The following AARSD1 variants were observed in gnomAD, a reference collection of about 807,000 sequenced individuals.
AARSD1 encodes the protein alanyl-tRNA synthetase domain containing 1, also known as alanyl-tRNA editing protein Aarsd1.
AARSD1 carries 44 observed loss-of-function variants against 48.7 expected under a neutral mutation model. The ratio of observed to expected loss-of-function variants is 0.90; its 90% CI spans 0.71 to 1.16. The LOEUF is 1.16. Ranked by LOEUF, AARSD1 falls within the 50% of genes most tolerant of loss-of-function variation. The pLI is 0.00. For synonymous variants in AARSD1, 189 were observed against 194.9 expected (o/e 0.97, Z 0.25); for missense variants, 511 against 523.1 (o/e 0.98, Z 0.23).
At chr17:42,957,303 GA>G in intron 3 of AARSD1, 108 bp from the exon 4 acceptor site, 1 of 1,428,066 alleles carries the variant, frequency 7.0e-7, no homozygotes, top group Non-Finnish European at 9.6e-7. Flanking sequence ...CCTTGTTGAA[GA>G]CCTGCTAAGC....
chr17:42,952,956 G>A (rs969743061), intron 10 of AARSD1, among the ~76,000 whole-genome samples: 16 of 151,810 alleles, frequency 1.1e-4, no homozygotes, highest in African/African-American at 2.9e-4. Context: ...TGGGTCTACA[G>A]GCACCTGCCA....
At chr17:42,956,063 T>A in intron 6 of AARSD1, 91 bp from the exon 7 acceptor site, 2 of 1,609,762 alleles carry the variant, frequency 1.2e-6, no homozygotes, top group African/African-American at 2.7e-5. Context: ...GAGAAACCTA[T>A]CTGTTCCTCA....
At chr17:42,957,389 C>A in intron 3 of AARSD1, 194 bp from the exon 4 acceptor site, 1 of 534,746 alleles carries the variant, frequency 1.9e-6, no homozygotes, top group South Asian at 2.9e-5. Context: ...GATACCATTT[C>A]ACAGATGAGG....
chr17:42,956,187 A>G lies in AARSD1; in HGVS notation c.663+17T>C. On this transcript the variant is annotated intron_variant, in intron 6 of 11. Coordinates refer to ENST00000427569, the MANE Select transcript of AARSD1 (RefSeq NM_001261434.2). ...CAATCCCTCTTCTCAGCCACTCCACAGCCGTTCCTCACTTACCTGAAGGTC... is the reference window on the plus strand; with the variant it reads ...CAATCCCTCTTCTCAGCCACTCCACGGCCGTTCCTCACTTACCTGAAGGTC... The G allele has an allele frequency of 6.2e-7, 1 of 1,613,808 alleles. No individual in the cohort carries two copies. Among genetic ancestry groups the G allele is most frequent in the Non-Finnish European group, 8.5e-7 (1 of 1,179,964 alleles).
chr17:42,955,351 G>T, intron 7 of AARSD1, 127 bp from the exon 8 acceptor site: 1 of 1,203,260 alleles, frequency 8.3e-7, no homozygotes, highest in Non-Finnish European at 1.1e-6. Flanking sequence ...GATATTCTGA[G>T]GAGGTCTCTT....
rs572958927 is a variant in AARSD1, at chr17:42,951,620, A to G, written c.1103+180T>C. 7.2e-5 allele frequency among the ~76,000 whole-genome samples: 11 copies of G among 152,268 alleles called. No homozygotes were observed. In the South Asian group the frequency reaches 2.3e-3, roughly 32 times the overall value. ...TACATGTGAGATGTGGAGCCAAAAG[A>G]CCTTCAACTGTCAAACTGGAAATGA... On this transcript the variant is annotated intron_variant, in intron 11 of 11. Coordinates refer to ENST00000427569, the MANE Select transcript of AARSD1 (RefSeq NM_001261434.2).
At chr17:42,961,030 G>T in intron 3 of AARSD1, 162 bp downstream of exon 3, 2 of 1,211,152 alleles carry the variant, frequency 1.7e-6, no homozygotes, top group Non-Finnish European at 2.2e-6. Flanking sequence ...TCATGTTGCT[G>T]TTATAACATT....
intron 1 of AARSD1, 68 bp downstream of exon 1, chr17:42,964,334 G>A (rs552413087): frequency 2.5e-6 from 4 of 1,587,044 alleles, no homozygotes; most frequent in Non-Finnish European, 3.4e-6. Context: ...CTCCCTACAC[G>A]TGGCGCCCTC....
At chr17:42,955,020 G>GT (rs1236335003) in intron 8 of AARSD1, 53 bp from the exon 9 acceptor site, 42 of 1,612,296 alleles carry the variant, frequency 2.6e-5, no homozygotes, top group Non-Finnish European at 3.5e-5. Context: ...ACAATAGAGA[G>GT]TATCAGCTTC....
intron 7 of AARSD1, 22 bp downstream of exon 7, chr17:42,955,820 G>A (rs745553403): frequency 8.1e-6 from 13 of 1,613,536 alleles, no homozygotes; most frequent in South Asian, 3.3e-5. Context: ...GGAGGTAATC[G>A]AAGGTACTGA....
At chr17:42,953,173 T>C (rs2049502238) in intron 10 of AARSD1, among the ~76,000 whole-genome samples, 2 of 151,372 alleles carry the variant, frequency 1.3e-5, no homozygotes, top group South Asian at 4.2e-4. Flanking sequence ...AGAGATAGGG[T>C]TTTACCATGT....
intron 4 of AARSD1, 26 bp from the exon 5 acceptor site, chr17:42,956,586 T>A (rs950031231): frequency 1.3e-6 from 2 of 1,550,300 alleles, no homozygotes; most frequent in Non-Finnish European, 1.7e-6. Flanking sequence ...TGGCCACAGA[T>A]AACATATCTT....
At chr17:42,963,999 C>T in intron 2 of AARSD1, 107 bp downstream of exon 2, 2 of 1,533,842 alleles carry the variant, frequency 1.3e-6, no homozygotes, top group South Asian at 1.2e-5. Context: ...ATGAATTAAA[C>T]TAAAGCTCAT....
At position 42,964,095 on chromosome 17, in the gene AARSD1, C is replaced by T; in HGVS notation, c.171+11G>A. Reference sequence around the variant, plus strand: ...AACTGGGGGCTTCCTGGGAAGAGATCGTTTTGGTACCTGTCCCCCGCCCTC... The same window carrying T: ...AACTGGGGGCTTCCTGGGAAGAGATTGTTTTGGTACCTGTCCCCCGCCCTC... On this transcript the variant is annotated intron_variant, in intron 2 of 11. Transcript: ENST00000427569. The T allele has an allele frequency of 5.6e-6, 9 of 1,614,032 alleles. No homozygotes were observed. The highest frequency in any genetic ancestry group is 7.6e-6 in the Non-Finnish European group (9 of 1,180,004).
chr17:42,958,538 T>G (rs2049588671), intron 3 of AARSD1, among the ~76,000 whole-genome samples: 1 of 151,742 alleles, frequency 6.6e-6, no homozygotes, highest in South Asian at 2.1e-4. Context: ...ATTTATTTCA[T>G]TTTACATATT....
intron 4 of AARSD1, among the ~76,000 whole-genome samples, 191 bp downstream of exon 4, chr17:42,956,947 G>A (rs1203785623): frequency 2.8e-4 from 39 of 139,198 alleles, no homozygotes; most frequent in African/African-American, 8.7e-4. Flanking sequence ...GATTACAAGC[G>A]TGAGCCACTG....
In AARSD1 at chr17:42,955,900, C is replaced by T. The variant is rs2049543207; in HGVS notation, c.736G>A (p.Val246Met). 6.2e-7 allele frequency: 1 copy of T among 1,614,124 alleles called. No individual in the cohort carries two copies. The highest frequency in any genetic ancestry group is 1.3e-5 in the African/African-American group (1 of 75,026). The change falls in exon 7 of 12, where the codon GTG becomes ATG. Residue 246 changes from valine to methionine, a missense_variant. Transcript: ENST00000427569. ...TGACTTCTCTCCATCCACTTCAGCACCCGGTTCCCAGACAGAAATATCAGG... is the reference window on the plus strand; with the variant it reads ...TGACTTCTCTCCATCCACTTCAGCATCCGGTTCCCAGACAGAAATATCAGG... ...TNLIFLSGNR[V>M]LKWMERSHGT...
intron 2 of AARSD1, 69 bp downstream of exon 2, chr17:42,964,037 G>A (rs1461288105): frequency 2.5e-6 from 4 of 1,601,580 alleles, no homozygotes; most frequent in Admixed American, 1.7e-5. Flanking sequence ...GAGAAAAAAG[G>A]GGCAGGAGAG....
At chr17:42,962,906 C>A (rs1288851832) in intron 2 of AARSD1, among the ~76,000 whole-genome samples, 2 of 152,126 alleles carry the variant, frequency 1.3e-5, no homozygotes, top group Non-Finnish European at 2.9e-5. Context: ...CGCCTGTAGT[C>A]CCCACTACTG....
Sources: allele counts gnomAD v4.1 joint callset (sites outside exome capture counted in the v4.1 genomes callset), GRCh38; gene constraint gnomAD v4.1.1; transcripts MANE v1.5; gene names NCBI Gene and HGNC (gene_info 2026-07-23, HGNC 2026-07-21).